TLK1: variants seen among roughly 807,000 people sequenced by gnomAD.
The protein encoded by TLK1 is tousled like kinase 1.
A neutral mutation model predicts 105.3 loss-of-function variants in TLK1; 24 were observed. That is an observed-to-expected ratio of 0.23 (90% CI 0.17 to 0.32). The LOEUF (loss-of-function observed/expected upper bound fraction) is 0.32. Among genes scored for constraint, TLK1 ranks in the 10% least tolerant of loss-of-function variants. TLK1 has a pLI of 1.00. For missense variants in TLK1, 558 were observed against 910.5 expected (o/e 0.61, Z 4.98); for synonymous variants, 321 against 310.4 (o/e 1.03, Z -0.36).
At chr2:171,030,093 C>T (rs1261637198) in intron 11 of TLK1, among the ~76,000 whole-genome samples, 4 of 152,170 alleles carry the variant, frequency 2.6e-5, no homozygotes, top group African/African-American at 9.7e-5. Flanking sequence ...TATTCAAGCC[C>T]TTGTTTGTTA....
chr2:171,160,263 A>AGCGGGC lies in TLK1; in HGVS notation c.139+21_139+26dup, dbSNP rs770576497. The AGCGGGC allele has an allele frequency of 1.4e-5, 20 of 1,476,984 alleles. No individual in the cohort carries two copies. Among genetic ancestry groups the AGCGGGC allele is most frequent in the Admixed American group, 1.1e-4 (4 of 36,748 alleles). 91.5% of individuals were successfully genotyped at this position (1,476,984 alleles called of 1,614,324 possible). A position where few individuals can be genotyped will look rare whatever the true frequency, so the allele number is the denominator to read the frequency against. On this transcript the variant is annotated intron_variant, in intron 1 of 20. Coordinates refer to ENST00000431350, the MANE Select transcript of TLK1 (RefSeq NM_012290.5). The surrounding 1 kb of genome is among the most constrained non-coding windows in gnomAD (Gnocchi z 4.4). ...CGCGGCGCGGGAGAGGAGGCCCGCG[A>AGCGGGC]GCGGGCGCGGGCGCGGCGGTGCTTA...
intron 8 of TLK1, among the ~76,000 whole-genome samples, chr2:171,051,842 A>G (rs1172841278): frequency 6.6e-6 from 1 of 152,244 alleles, no homozygotes; most frequent in Non-Finnish European, 1.5e-5. Flanking sequence ...TTTTATGATG[A>G]TAGAGCTGGC....
At chr2:171,226,444 C>A (rs548191599) in intron 1 of TLK1, among the ~76,000 whole-genome samples, 6 of 152,188 alleles carry the variant, frequency 3.9e-5, no homozygotes, top group African/African-American at 1.4e-4. Context: ...AAAACAGAGG[C>A]TGAAAACCCC....
chr2:171,212,153 A>G (rs1470228298), intron 1 of TLK1, among the ~76,000 whole-genome samples: 1 of 152,052 alleles, frequency 6.6e-6, no homozygotes, highest in Non-Finnish European at 1.5e-5. Context: ...TCTCGTTTTA[A>G]AGCTTGTCTA....
chr2:171,152,663 T>C (rs536992047), intron 1 of TLK1, among the ~76,000 whole-genome samples: 2 of 152,310 alleles, frequency 1.3e-5, no homozygotes, highest in African/African-American at 4.8e-5. Context: ...GATCTGCCAC[T>C]AAAGCATTAT....
intron 2 of TLK1, among the ~76,000 whole-genome samples, chr2:171,090,371 A>AT (rs1689175882): frequency 6.6e-6 from 1 of 152,020 alleles, no homozygotes; most frequent in Non-Finnish European, 1.5e-5. Flanking sequence ...AGTTTTAATT[A>AT]TTTTTAGATT....
At chr2:171,104,889 A>G (rs565099414) in intron 2 of TLK1, among the ~76,000 whole-genome samples, 1 of 152,362 alleles carries the variant, frequency 6.6e-6, no homozygotes, top group South Asian at 2.1e-4. Flanking sequence ...AAATAAATCT[A>G]TGCATTTATG....
intron 1 of TLK1, among the ~76,000 whole-genome samples, chr2:171,177,025 G>T (rs1391815322): frequency 6.6e-6 from 1 of 152,096 alleles, no homozygotes; most frequent in Non-Finnish European, 1.5e-5. Flanking sequence ...TAGAGATGGG[G>T]TTTTGCCATG....
At position 171,045,981 on chromosome 2, in the gene TLK1, T is replaced by C. The variant is rs1051717444; in HGVS notation, c.1169+193A>G. 3 of 469,176 alleles carry C rather than the reference T, an allele frequency of 6.4e-6. No homozygotes were observed. The Admixed American group carries it at 1.2e-4, about 18-fold the overall frequency. 29.1% of individuals were successfully genotyped at this position (469,176 alleles called of 1,614,324 possible). A position where few individuals can be genotyped will look rare whatever the true frequency, so the allele number is the denominator to read the frequency against. On this transcript the variant is annotated intron_variant, in intron 11 of 20. Transcript: ENST00000431350. ...GGTCTCTGTTTTAAAAGAGAATTGTTAAATCTCTGCTTAAAACGGTAGAAT... is the reference window on the plus strand; with the variant it reads ...GGTCTCTGTTTTAAAAGAGAATTGTCAAATCTCTGCTTAAAACGGTAGAAT...
chr2:171,037,960 T>A (rs1280586636), intron 11 of TLK1, among the ~76,000 whole-genome samples: 1 of 152,176 alleles, frequency 6.6e-6, no homozygotes, highest in Non-Finnish European at 1.5e-5. Context: ...CTGATAGAAT[T>A]CTTAGATGCG....
chr2:171,218,598 C>A (rs1478448607), intron 1 of TLK1, among the ~76,000 whole-genome samples: 1 of 152,102 alleles, frequency 6.6e-6, no homozygotes, highest in Non-Finnish European at 1.5e-5. Flanking sequence ...CTGGGAAGTC[C>A]AAGATCAAGG....
chr2:171,133,711 G>GT (rs1691195234), intron 1 of TLK1, among the ~76,000 whole-genome samples: 1 of 151,356 alleles, frequency 6.6e-6, no homozygotes, highest in Admixed American at 6.6e-5. Flanking sequence ...TACAGGTTGA[G>GT]TATCCCTTAT....
At chr2:171,095,911 T>C (rs1274448230) in intron 2 of TLK1, among the ~76,000 whole-genome samples, 1 of 152,032 alleles carries the variant, frequency 6.6e-6, no homozygotes, top group African/African-American at 2.4e-5. Context: ...GCTAATTTCA[T>C]ACTCCAGGAT....
intron 2 of TLK1, among the ~76,000 whole-genome samples, chr2:171,086,674 G>C (rs866815027): frequency 6.6e-5 from 10 of 151,490 alleles, no homozygotes; most frequent in South Asian, 2.1e-4. Context: ...AAGAGGAGAA[G>C]AAGGGAATAG....
At chr2:171,045,649 T>G (rs1686928104) in intron 11 of TLK1, 1 of 152,246 alleles carries the variant, frequency 6.6e-6, no homozygotes, top group African/African-American at 2.4e-5. Flanking sequence ...TATATTATTA[T>G]TCTTGTCCTA....
At chr2:171,011,171 CT>C (rs541887717) in intron 14 of TLK1, among the ~76,000 whole-genome samples, 2 of 151,616 alleles carry the variant, frequency 1.3e-5, no homozygotes, top group African/African-American at 2.4e-5. Flanking sequence ...ACCTGGCTGA[CT>C]TTTTTTTAAG....
intron 2 of TLK1, among the ~76,000 whole-genome samples, chr2:171,089,468 AAG>A (rs753535809): frequency 2.0e-5 from 3 of 152,238 alleles, no homozygotes; most frequent in African/African-American, 7.2e-5. Context: ...GTTCAAAGTG[AAG>A]AGTTATTTAT....
intron 1 of TLK1, among the ~76,000 whole-genome samples, chr2:171,176,392 G>C (rs572356085): frequency 1.3e-5 from 2 of 152,114 alleles, no homozygotes; most frequent in African/African-American, 4.8e-5. Context: ...ACCTCGGCTA[G>C]CATGGCTTCT....
At chr2:171,161,085 G>C (rs1575641315), upstream of TLK1, among the ~76,000 whole-genome samples, 1 of 148,242 alleles carries the variant, frequency 6.7e-6, no homozygotes, top group East Asian at 2.0e-4. Flanking sequence ...GAAGAGACTA[G>C]AGCGCCGGGG....
Sources: gnomAD v4.1 joint callset for allele counts (sites outside exome capture counted in the v4.1 genomes callset) on GRCh38, gnomAD v4.1.1 for gene constraint, Gnocchi (gnomAD v3.1) non-coding constraint, MANE v1.5 for transcripts, NCBI Gene and HGNC (gene_info 2026-07-23, HGNC 2026-07-21) for gene names.